Variants in SIGLEC5 observed in about 807,000 individuals in gnomAD.
SIGLEC5 encodes sialic acid binding Ig like lectin 5.
SIGLEC5 carries 34 observed loss-of-function variants against 45.9 expected under a neutral mutation model. The observed-to-expected ratio is 0.74, with a 90% confidence interval of 0.56 to 0.99. SIGLEC5 has a LOEUF of 0.99. SIGLEC5 is among the 50% of genes least tolerant of loss of function. SIGLEC5 has a pLI of 0.00. For synonymous variants in SIGLEC5, 203 were observed against 258.6 expected (o/e 0.79, Z 2.06); for missense variants, 508 against 629.6 (o/e 0.81, Z 2.07).
chr19:51,627,373 C>T lies in SIGLEC5; in HGVS notation c.1282+89G>A, dbSNP rs1437774585. The T allele has an allele frequency of 8.4e-6, 13 of 1,544,834 alleles. No homozygotes were observed. The East Asian group carries it at 2.9e-4, about 35-fold the overall frequency. ...GATGAAGAACCCTGTCTCCCCACCA[C>T]CAGTCCAGCCTCTCTCTCCCACCAT... On this transcript the variant is annotated intron_variant, in intron 6 of 8. Transcript: ENST00000683636.
At chr19:51,624,709 C>T (rs1427491060) in intron 8 of SIGLEC5, among the ~76,000 whole-genome samples, 1 of 152,128 alleles carries the variant, frequency 6.6e-6, no homozygotes, top group Non-Finnish European at 1.5e-5. Context: ...TGGCTCACAC[C>T]TGTAATCCCA....
At position 51,626,035 on chromosome 19, in the gene SIGLEC5, G is replaced by A; in HGVS notation, c.1461C>T (p.Thr487=). The A allele has an allele frequency of 6.2e-7, 1 of 1,613,390 alleles. No individual in the cohort carries two copies. The highest frequency in any genetic ancestry group is 2.2e-5 in the East Asian group (1 of 44,874). The change falls in exon 8 of 9, where the codon ACC becomes ACT. Residue 487 remains threonine (T), a synonymous_variant. Transcript: ENST00000683636. Reference sequence around the variant, plus strand: ...AGAAGATCCCCAAACCACTCACCGAGGTGATGGTACCCATAATGGGGTCTT... The same window carrying A: ...AGAAGATCCCCAAACCACTCACCGAAGTGATGGTACCCATAATGGGGTCTT... The part of the protein sequence containing the change: ...DDEDPIMGTI[T]SGSRKKPWPD...
At chr19:51,613,549 G>A (rs562992890) in intron 8 of SIGLEC5, among the ~76,000 whole-genome samples, 14 of 152,032 alleles carry the variant, frequency 9.2e-5, no homozygotes, top group East Asian at 5.9e-4. Context: ...TTCAAATCCC[G>A]GCCCCACCTG....
chr19:51,625,105 G>C (rs1175453100), intron 8 of SIGLEC5, among the ~76,000 whole-genome samples: 1 of 152,186 alleles, frequency 6.6e-6, no homozygotes, highest in Non-Finnish European at 1.5e-5. Flanking sequence ...CAACAGGAGG[G>C]GAAATGACTA....
Position 51,612,320 on chromosome 19 carries a change from G to A in SIGLEC5, c.1567C>T (p.Leu523Phe), listed in dbSNP as rs1273035421. 6.2e-7 allele frequency: 1 copy of A among 1,613,302 alleles called. No individual in the cohort carries two copies. Among genetic ancestry groups the A allele is most frequent in the Non-Finnish European group, 8.5e-7 (1 of 1,179,756 alleles). ...EEQKELHYAS[L>F]SFSEMKSREP... ...CTCGACTTCATCTCAGAAAAACTAA[G>A]GGAGGCATAATGGAGCTCCTTTTGT... Residue 523 changes from leucine to phenylalanine, a missense_variant, in exon 9 of 9, where the codon CTT becomes TTT. Leu to Phe is a conservative substitution (Grantham distance 22). Around this residue, in one of 2 missense-constraint regions of SIGLEC5, gnomAD observed 431 missense variants for 428.8 expected, o/e 1.01. Coordinates refer to ENST00000683636, the MANE Select transcript of SIGLEC5 (RefSeq NM_003830.4).
rs769609635 is a variant in SIGLEC5 at position 51,627,714 on chromosome 19, A to G, written c.1030T>C (p.Trp344Arg). ...CTGCAGTGCAGACCCTCAGCCTCCCAGGAGCAGGAGGGGCCCAGCAACTGT... is the reference window on the plus strand; with the variant it reads ...CTGCAGTGCAGACCCTCAGCCTCCCGGGAGCAGGAGGGGCCCAGCAACTGT... ...LPQLLGPSCS[W>R]EAEGLHCRCS... The change falls in exon 6 of 9, where the codon TGG becomes CGG. Residue 344 changes from tryptophan to arginine, a missense_variant. Coordinates refer to ENST00000683636, the MANE Select transcript of SIGLEC5 (RefSeq NM_003830.4). 5 of 1,595,504 alleles carry G rather than the reference A, an allele frequency of 3.1e-6. No homozygotes were observed. Among genetic ancestry groups the G allele is most frequent in the Non-Finnish European group, 4.3e-6 (5 of 1,169,042 alleles).
Position 51,612,094 on chromosome 19 carries a change from G to GTTTTCTTT in SIGLEC5, c.*136_*137insAAAGAAAA. On this transcript the variant is annotated 3_prime_UTR_variant, in exon 9 of 9. Coordinates refer to ENST00000683636, the MANE Select transcript of SIGLEC5 (RefSeq NM_003830.4). ...TGAGCCCACCTCTCTAATTCCATCT[G>GTTTTCTTT]CTTGGAGCACTTAAACATCAGTTAA... is the stretch of plus-strand genomic sequence containing the variant. 1 of 129,044 alleles carries GTTTTCTTT rather than the reference G, an allele frequency of 7.7e-6. No homozygotes were observed. Among genetic ancestry groups the GTTTTCTTT allele is most frequent in the Non-Finnish European group, 1.3e-5 (1 of 77,842 alleles). 8.0% of individuals were successfully genotyped at this position (129,044 alleles called of 1,614,324 possible).
In SIGLEC5 at chr19:51,629,387, G is replaced by A. The variant is rs756476592; in HGVS notation, c.671C>T (p.Thr224Met). ...GACATTGAGCTGGACAGTTCTCTCC[G>A]TGGTCACCTGAGCTCCTTGGCGTTT... ...QMKRQGAQVT[T>M]ERTVQLNVSY... Residue 224 changes from threonine (T) to methionine (M), a missense_variant, in exon 3 of 9, where the codon ACG becomes ATG. Thr to Met is a moderately conservative substitution (Grantham distance 81). Transcript: ENST00000683636. The A allele has an allele frequency of 1.5e-5, 24 of 1,613,608 alleles. No homozygotes were observed. In the South Asian group the frequency reaches 1.6e-4, roughly 11 times the overall value.
rs774816616 is a variant in SIGLEC5 at position 51,627,943 on chromosome 19, G to A, written c.888C>T (p.Thr296=). ...PALNATPISN[T]GILELRRVRS... ...TTACTCGACGAAGCTCCAAGATCCC[G>A]GTATTGGAGATGGGGGTGGCGTTCA... The change falls in exon 5 of 9, where the codon ACC becomes ACT. Residue 296 remains threonine, a synonymous_variant. Coordinates refer to ENST00000683636, the MANE Select transcript of SIGLEC5 (RefSeq NM_003830.4). 15 of 1,613,994 alleles carry A rather than the reference G, an allele frequency of 9.3e-6. No individual in the cohort carries two copies. The highest frequency in any genetic ancestry group is 5.0e-5 in the Admixed American group (3 of 59,986).
intron 8 of SIGLEC5, among the ~76,000 whole-genome samples, chr19:51,613,503 G>A (rs1052053537): frequency 2.6e-5 from 4 of 151,966 alleles, no homozygotes; most frequent in Non-Finnish European, 5.9e-5. Flanking sequence ...CACACTGTAC[G>A]TGCCCAGGAA....
chr19:51,617,209 C>A (rs1408226066), intron 8 of SIGLEC5, among the ~76,000 whole-genome samples: 1 of 143,994 alleles, frequency 6.9e-6, no homozygotes, highest in African/African-American at 2.6e-5. Flanking sequence ...GAGAGGAGAT[C>A]GCGCCACTGC....
chr19:51,627,909 C>T lies in SIGLEC5; in HGVS notation c.922G>A (p.Glu308Lys), dbSNP rs957047682. Residue 308 changes from glutamate to lysine, a missense_variant, in exon 5 of 9, where the codon GAA (glutamate) becomes AAA (lysine). Glu to Lys is a moderately conservative substitution (Grantham distance 56). Transcript: ENST00000683636. ...GCGCGGCAGGTGAAGCCTCCTTCTT[C>T]TGCAGACCTTACTCGACGAAGCTCC... ...ILELRRVRSA[E>K]EGGFTCRAQH... The T allele has an allele frequency of 1.2e-6, 2 of 1,613,982 alleles. No homozygotes were observed. Among genetic ancestry groups the T allele is most frequent in the African/African-American group, 2.7e-5 (2 of 74,920 alleles).
At chr19:51,625,932 C>A in intron 8 of SIGLEC5, 100 bp downstream of exon 8, 1 of 865,508 alleles carries the variant, frequency 1.2e-6, no homozygotes, top group East Asian at 2.4e-5. Context: ...GAAGAGAACT[C>A]CCAGGTGATG....
chr19:51,629,978 G>A lies in SIGLEC5; in HGVS notation c.276C>T (p.Leu92=). 1 of 994,600 alleles carries A rather than the reference G, an allele frequency of 1.0e-6. No homozygotes were observed. Among genetic ancestry groups the A allele is most frequent in the South Asian group, 1.3e-5 (1 of 76,464 alleles). 61.6% of individuals were successfully genotyped at this position (994,600 alleles called of 1,614,324 possible). A position where few individuals can be genotyped will look rare whatever the true frequency, so the allele number is the denominator to read the frequency against. Reference sequence around the variant, plus strand: ...AGTTCTTCTTCTGGACATCCCCAAGGAGGCGGAATCGGCCCTGGGTCTCTG... The same window carrying A: ...AGTTCTTCTTCTGGACATCCCCAAGAAGGCGGAATCGGCCCTGGGTCTCTG... ...VKPETQGRFR[L]LGDVQKKNCS... The change falls in exon 2 of 9, where the codon CTC becomes CTT. Residue 92 remains leucine (L), a synonymous_variant. Transcript: ENST00000683636.
chr19:51,621,805 T>C (rs1983296581), intron 8 of SIGLEC5: 1 of 152,222 alleles, frequency 6.6e-6, no homozygotes, highest in South Asian at 2.1e-4. Flanking sequence ...TCTTATATTT[T>C]TTAAATACTT....
At position 51,627,748 on chromosome 19, in the gene SIGLEC5, T is replaced by C. The variant is rs2122636910; in HGVS notation, c.998-2A>G. 6.3e-7 allele frequency: 1 copy of C among 1,579,632 alleles called. No homozygotes were observed. Among genetic ancestry groups the C allele is most frequent in the Non-Finnish European group, 8.6e-7 (1 of 1,160,852 alleles). On this transcript the variant is annotated splice_acceptor_variant, in intron 5 of 8. Transcript: ENST00000683636. LOFTEE classifies it high-confidence loss of function. ...AGGGGCCCAGCAACTGTGGGAGGGC[T>C]GTGGGGAGGGAGGACAGAACTCAGC...
intron 8 of SIGLEC5, among the ~76,000 whole-genome samples, chr19:51,614,605 T>C (rs1000008137): frequency 2.6e-5 from 4 of 152,130 alleles, no homozygotes; most frequent in Non-Finnish European, 4.4e-5. Context: ...AATAAAGACA[T>C]ATGTCTATCA....
intron 3 of SIGLEC5, 124 bp downstream of exon 3, chr19:51,629,234 T>G: frequency 6.4e-7 from 1 of 1,552,648 alleles, no homozygotes; most frequent in Non-Finnish European, 8.8e-7. Flanking sequence ...ACACACAAGG[T>G]TTCTCAAGTT....
chr19:51,622,404 G>T (rs1477950047), intron 8 of SIGLEC5, among the ~76,000 whole-genome samples: 2 of 151,122 alleles, frequency 1.3e-5, no homozygotes, highest in African/African-American at 2.4e-5. Flanking sequence ...CTCCCAAAGT[G>T]CTGGGATTAC....
Sources: gnomAD v4.1 joint callset for allele counts (sites outside exome capture counted in the v4.1 genomes callset) on GRCh38, gnomAD v4.1.1 for gene constraint, gnomAD v4.1.1 regional missense constraint, MANE v1.5 for transcripts, NCBI Gene and HGNC (gene_info 2026-07-23, HGNC 2026-07-21) for gene names.